The following PREX2 variants were observed in gnomAD, a reference collection of about 807,000 sequenced individuals.
PREX2 encodes phosphatidylinositol 3,4,5-trisphosphate-dependent Rac exchanger 2 protein.
Under a neutral mutation model 203.2 loss-of-function variants are expected in PREX2, and 107 were observed. That is an observed-to-expected ratio of 0.53 (90% CI 0.45 to 0.62). The LOEUF (loss-of-function observed/expected upper bound fraction) is 0.62, where lower values mean the gene tolerates loss of function less well. PREX2 is among the 20% of genes least tolerant of loss of function. PREX2 has a pLI of 0.00. For missense variants in PREX2, 1,777 were observed against 1,955.9 expected, an observed-to-expected ratio of 0.91 and a Z score of 1.72; for synonymous variants, 672 against 663.6, an observed-to-expected ratio of 1.01 and a Z score of -0.19.
At chr8:68,174,290 T>C (rs142593882) in intron 35 of PREX2, among the ~76,000 whole-genome samples, 3 of 152,298 alleles carry the variant, frequency 2.0e-5, no homozygotes, top group East Asian at 1.9e-4. Context: ...TTAATATGGA[T>C]TTACTGAAAC....
At chr8:68,189,973 G>A (rs941384792) in intron 35 of PREX2, among the ~76,000 whole-genome samples, 11 of 152,184 alleles carry the variant, frequency 7.2e-5, no homozygotes, top group African/African-American at 2.7e-4. Context: ...ATAATTTAAA[G>A]TGTAAAGCTT....
At chr8:68,087,938 C>A in intron 19 of PREX2, 129 bp downstream of exon 19, 1 of 720,874 alleles carries the variant, frequency 1.4e-6, no homozygotes, top group Non-Finnish European at 2.5e-6. Flanking sequence ...ACTGTATTAA[C>A]TCAATGGTAG....
intron 6 of PREX2, among the ~76,000 whole-genome samples, chr8:68,036,883 C>T (rs6472371): frequency 0.56 from 84,819 of 151,918 alleles, 25,620 homozygotes; most frequent in African/African-American, 0.79. Context: ...GAGGTTGTGG[C>T]GAGCCAATAT....
intron 35 of PREX2, among the ~76,000 whole-genome samples, chr8:68,171,623 C>T (rs537107098): frequency 6.4e-4 from 98 of 152,252 alleles, no homozygotes; most frequent in African/African-American, 2.2e-3. Flanking sequence ...AGCTTCCATG[C>T]CCTGTCTCTG....
intron 35 of PREX2, among the ~76,000 whole-genome samples, chr8:68,175,713 G>A (rs1811965599): frequency 6.6e-6 from 1 of 151,972 alleles, no homozygotes; most frequent in Admixed American, 6.6e-5. Flanking sequence ...ACATGGTCAG[G>A]GAAGAAGGAT....
intron 13 of PREX2, 34 bp from the exon 14 acceptor site, chr8:68,072,461 T>C (rs770511829): frequency 8.5e-6 from 11 of 1,299,986 alleles, no homozygotes; most frequent in Non-Finnish European, 1.2e-5. Context: ...AATTTTTGTT[T>C]TTTGTTTGTT....
Position 68,055,826 on chromosome 8 carries a change from A to G in PREX2, c.1094-4A>G. Reference sequence around the variant, plus strand: ...TTACCTCTCCTTTCTTTCATTTTTGATAGGTTTAAAATTAGGAATGGAGCA... The same window carrying G: ...TTACCTCTCCTTTCTTTCATTTTTGGTAGGTTTAAAATTAGGAATGGAGCA... On this transcript the variant is annotated splice_polypyrimidine_tract_variant and splice_region_variant and intron_variant, in intron 9 of 39. Coordinates refer to ENST00000288368, the MANE Select transcript of PREX2 (RefSeq NM_024870.4). The G allele has an allele frequency of 1.2e-6, 2 of 1,606,922 alleles. No homozygotes were observed. Among genetic ancestry groups the G allele is most frequent in the Non-Finnish European group, 1.7e-6 (2 of 1,178,150 alleles).
At chr8:68,158,073 G>A (rs6472387) in intron 35 of PREX2, among the ~76,000 whole-genome samples, 8 of 133,670 alleles carry the variant, frequency 6.0e-5, no homozygotes, top group South Asian at 2.4e-4. Context: ...ATATATATAT[G>A]TATATATATA....
chr8:68,120,964 G>C lies in PREX2; in HGVS notation c.3639G>C (p.Arg1213Ser), dbSNP rs1032023587. The change falls in exon 30 of 40, where the codon AGG (arginine) becomes AGC (serine). Residue 1213 changes from arginine (R) to serine (S), a missense_variant. Arg to Ser is a moderately radical substitution (Grantham distance 110). Coordinates refer to ENST00000288368, the MANE Select transcript of PREX2 (RefSeq NM_024870.4). ...AACCAAAGCTGAGTTGTCCAAAAAG[G>C]CTACGGCTTCATATCAAGCAAGATC... ...EMEPKLSCPK[R>S]LRLHIKQDPW... 2.5e-6 allele frequency: 4 copies of C among 1,613,542 alleles called. No homozygotes were observed. The highest frequency in any genetic ancestry group is 1.3e-5 in the African/African-American group (1 of 74,880).
intron 20 of PREX2, 39 bp from the exon 21 acceptor site, chr8:68,093,566 A>C: frequency 1.0e-6 from 1 of 980,108 alleles, no homozygotes; most frequent in Non-Finnish European, 1.6e-6. Flanking sequence ...TTTAGGAAGC[A>C]CTAATACCTC....
At chr8:68,076,524 A>G (rs1279617786) in intron 14 of PREX2, among the ~76,000 whole-genome samples, 1 of 152,144 alleles carries the variant, frequency 6.6e-6, no homozygotes, top group Non-Finnish European at 1.5e-5. Context: ...AGGGAGAAGA[A>G]GAAACACCAT....
At chr8:68,043,646 T>G (rs917420689) in intron 7 of PREX2, among the ~76,000 whole-genome samples, 13 of 152,146 alleles carry the variant, frequency 8.5e-5, no homozygotes, top group African/African-American at 1.2e-4. Context: ...TCAATGGAAA[T>G]CTCTTGAGTG....
At chr8:67,959,286 C>G (rs1469119306) in intron 1 of PREX2, among the ~76,000 whole-genome samples, 2 of 152,126 alleles carry the variant, frequency 1.3e-5, no homozygotes, top group Admixed American at 1.3e-4. Flanking sequence ...GTCGCTGGAT[C>G]TGGCAGTTAG....
chr8:68,204,547 C>G (rs1812570761), intron 37 of PREX2, among the ~76,000 whole-genome samples: 1 of 152,036 alleles, frequency 6.6e-6, no homozygotes, highest in Non-Finnish European at 1.5e-5. Flanking sequence ...CAATCAAGTT[C>G]TCTGTCTGCG....
intron 6 of PREX2, among the ~76,000 whole-genome samples, chr8:68,032,417 T>C (rs1175734780): frequency 1.3e-5 from 2 of 152,166 alleles, no homozygotes; most frequent in African/African-American, 4.8e-5. Flanking sequence ...TAAATTCTAC[T>C]TGAGTAGGAA....
At chr8:68,126,353 T>G (rs149621613) in intron 30 of PREX2, among the ~76,000 whole-genome samples, 4 of 152,222 alleles carry the variant, frequency 2.6e-5, no homozygotes, top group Admixed American at 6.5e-5. Flanking sequence ...CTCACTTATA[T>G]TTTACACAGA....
At chr8:68,080,705 C>A in intron 16 of PREX2, 41 bp from the exon 17 acceptor site, 1 of 1,473,990 alleles carries the variant, frequency 6.8e-7, no homozygotes, top group South Asian at 1.2e-5. Context: ...TAATTTTTTT[C>A]ATAGTTGCTT....
In PREX2 at chr8:68,234,895, A is replaced by T. The variant is rs1013710207; in HGVS notation, c.*3517A>T. 1 of 152,190 alleles carries T rather than the reference A, an allele frequency of 6.6e-6. No homozygotes were observed. Among genetic ancestry groups the T allele is most frequent in the Non-Finnish European group, 1.5e-5 (1 of 68,028 alleles). 9.4% of individuals were successfully genotyped at this position (152,190 alleles called of 1,614,324 possible). On this transcript the variant is annotated 3_prime_UTR_variant, in exon 40 of 40. Coordinates refer to ENST00000288368, the MANE Select transcript of PREX2 (RefSeq NM_024870.4). ...TTAATTTAAATTTTGGGATCATTAC[A>T]TTCAGAATGAAATGAAATTGACCTT...
At chr8:68,047,481 A>G (rs923125289) in intron 8 of PREX2, among the ~76,000 whole-genome samples, 193 of 92,714 alleles carry the variant, frequency 2.1e-3, no homozygotes, top group Non-Finnish European at 2.4e-3. Flanking sequence ...ATATATATAT[A>G]TATATATATA....
Sources: gnomAD v4.1 joint callset for allele counts (sites outside exome capture counted in the v4.1 genomes callset) on GRCh38, gnomAD v4.1.1 for gene constraint, MANE v1.5 for transcripts, NCBI Gene and HGNC (gene_info 2026-07-23, HGNC 2026-07-21) for gene names.